STAG1: variants seen among roughly 807,000 people sequenced by gnomAD.
The protein encoded by STAG1 is cohesin subunit SA-1.
In STAG1, 26 loss-of-function variants were observed where a neutral mutation model predicts 170.9. The observed-to-expected ratio is 0.15, with a 90% confidence interval of 0.11 to 0.21. The LOEUF is 0.21. STAG1 is among the 10% of genes least tolerant of loss of function. The pLI is 1.00. For synonymous variants in STAG1, 514 were observed against 497.7 expected (o/e 1.03, Z -0.44); for missense variants, 964 against 1,509.5 (o/e 0.64, Z 5.99).
At chr3:136,680,370 T>A (rs1188319196) in intron 1 of STAG1, among the ~76,000 whole-genome samples, 1 of 152,162 alleles carries the variant, frequency 6.6e-6, no homozygotes, top group Non-Finnish European at 1.5e-5. Flanking sequence ...AAACAATCCC[T>A]TTTTTAAAAA....
intron 6 of STAG1, among the ~76,000 whole-genome samples, chr3:136,529,327 T>C (rs1935244715): frequency 6.6e-6 from 1 of 152,200 alleles, no homozygotes; most frequent in African/African-American, 2.4e-5. Flanking sequence ...GTCTTCTTCA[T>C]GGCACGTTAT....
chr3:136,502,528 A>T, intron 8 of STAG1, 100 bp downstream of exon 8: 1 of 1,263,010 alleles, frequency 7.9e-7, no homozygotes, highest in Non-Finnish European at 1.1e-6. Flanking sequence ...CTAACTAAAT[A>T]TACACATAAA....
chr3:136,425,783 T>C (rs1031511095), intron 16 of STAG1, among the ~76,000 whole-genome samples: 1 of 149,992 alleles, frequency 6.7e-6, no homozygotes, highest in Non-Finnish European at 1.5e-5. Context: ...ATGTGAAAAG[T>C]GCAAGAAAGT....
chr3:136,401,196 C>A (rs1322401358), intron 21 of STAG1, among the ~76,000 whole-genome samples: 3 of 152,056 alleles, frequency 2.0e-5, no homozygotes, highest in Non-Finnish European at 4.4e-5. Context: ...CCATGGGTTC[C>A]CAGGCCACAT....
chr3:136,485,944 G>A (rs1031996368), intron 9 of STAG1, among the ~76,000 whole-genome samples: 1 of 152,122 alleles, frequency 6.6e-6, no homozygotes, highest in African/African-American at 2.4e-5. Context: ...CCAAGGTTTT[G>A]CTTTTACTAA....
At chr3:136,403,583 T>C (rs1278523034) in intron 21 of STAG1, among the ~76,000 whole-genome samples, 1 of 152,134 alleles carries the variant, frequency 6.6e-6, no homozygotes, top group Admixed American at 6.6e-5. Flanking sequence ...GAAACAACCC[T>C]ATCTGTTAAA....
chr3:136,389,516 T>C (rs2086953525), intron 22 of STAG1, among the ~76,000 whole-genome samples: 1 of 151,876 alleles, frequency 6.6e-6, no homozygotes, highest in Admixed American at 6.6e-5. Flanking sequence ...GCTGGATTTA[T>C]TTATTTTTAT....
intron 11 of STAG1, among the ~76,000 whole-genome samples, 178 bp downstream of exon 11, chr3:136,473,361 C>A (rs1438789830): frequency 6.6e-6 from 1 of 152,152 alleles, no homozygotes; most frequent in Non-Finnish European, 1.5e-5. Context: ...CAACCCCCAC[C>A]TTGGTCCACA....
At chr3:136,457,409 T>G in intron 13 of STAG1, among the ~76,000 whole-genome samples, 1 of 152,158 alleles carries the variant, frequency 6.6e-6, no homozygotes, top group East Asian at 1.9e-4. Flanking sequence ...CACCGCTACC[T>G]TTCTACCCCT....
At chr3:136,723,713 T>C (rs1933463114) in intron 1 of STAG1, among the ~76,000 whole-genome samples, 1 of 135,368 alleles carries the variant, frequency 7.4e-6, no homozygotes, top group East Asian at 2.4e-4. Flanking sequence ...GGGGCGCCTC[T>C]GCCTGGCCGC....
At chr3:136,690,056 C>CAAAAAAAAAAAA (rs57082567) in intron 1 of STAG1, among the ~76,000 whole-genome samples, 266 of 55,844 alleles carry the variant, frequency 4.8e-3, no homozygotes, top group Non-Finnish European at 5.3e-3. Context: ...AAAAGCAAAC[C>CAAAAAAAAAAAA]AAAAAAAAAA....
chr3:136,468,007 G>C (rs2089517013), intron 12 of STAG1, among the ~76,000 whole-genome samples: 1 of 152,192 alleles, frequency 6.6e-6, no homozygotes, highest in East Asian at 1.9e-4. Context: ...ACTGAAAGCA[G>C]TGTGTAGAGG....
At chr3:136,344,389 G>A (rs1348935628) in intron 29 of STAG1, among the ~76,000 whole-genome samples, 1 of 152,052 alleles carries the variant, frequency 6.6e-6, no homozygotes. Context: ...GCAATAAAGG[G>A]CCTATTTCCT....
At chr3:136,635,311 C>G (rs1035783999) in intron 1 of STAG1, among the ~76,000 whole-genome samples, 2 of 151,954 alleles carry the variant, frequency 1.3e-5, no homozygotes, top group Non-Finnish European at 2.9e-5. Flanking sequence ...AAGGCTGGTT[C>G]AACATTCAAA....
At chr3:136,646,839 G>A (rs890743293) in intron 1 of STAG1, among the ~76,000 whole-genome samples, 1 of 152,000 alleles carries the variant, frequency 6.6e-6, no homozygotes, top group Non-Finnish European at 1.5e-5. Context: ...TGGGACCCAG[G>A]AGGTGGAGGT....
At chr3:136,421,280 A>G (rs1386803150) in intron 19 of STAG1, 117 bp from the exon 20 acceptor site, 2 of 486,004 alleles carry the variant, frequency 4.1e-6, no homozygotes, top group Non-Finnish European at 6.8e-6. Flanking sequence ...TTCATTGTAG[A>G]TCCATAATAC....
At chr3:136,693,928 G>C (rs1261726932) in intron 1 of STAG1, among the ~76,000 whole-genome samples, 1 of 151,990 alleles carries the variant, frequency 6.6e-6, no homozygotes, top group African/African-American at 2.4e-5. Context: ...ACAAGGTCAG[G>C]GGTTTGTACA....
At chr3:136,681,959 G>GA (rs1302963101) in intron 1 of STAG1, among the ~76,000 whole-genome samples, 1 of 152,048 alleles carries the variant, frequency 6.6e-6, no homozygotes, top group African/African-American at 2.4e-5. Context: ...TCTATGACCT[G>GA]AAAGAGGGCA....
chr3:136,381,697 T>A (rs955770485), intron 22 of STAG1, among the ~76,000 whole-genome samples: 1 of 152,170 alleles, frequency 6.6e-6, no homozygotes, highest in African/African-American at 2.4e-5. Flanking sequence ...ACCTTTTTAA[T>A]AGAAAAGATG....
Sources: allele counts gnomAD v4.1 joint callset (sites outside exome capture counted in the v4.1 genomes callset), GRCh38; gene constraint gnomAD v4.1.1; transcripts MANE v1.5; gene names NCBI Gene and HGNC (gene_info 2026-07-23, HGNC 2026-07-21).